ZNF493: variants seen among roughly 807,000 people sequenced by gnomAD.
ZNF493 encodes the protein zinc finger protein 493.
In ZNF493, 11 loss-of-function variants were observed where a neutral mutation model predicts 12.2. The observed-to-expected ratio is 0.90, with a 90% CI of 0.57 to 1.50. The LOEUF is 1.50. Ranked by LOEUF, ZNF493 falls within the 40% of genes most tolerant of loss-of-function variation. The pLI is 0.00. For missense variants in ZNF493, 950 were observed against 906.6 expected (o/e 1.05, Z -0.61); for synonymous variants, 286 against 302.6 (o/e 0.95, Z 0.57).
intron 3 of ZNF493, among the ~76,000 whole-genome samples, chr19:21,406,185 G>C (rs1568378136): frequency 6.6e-6 from 1 of 151,728 alleles, no homozygotes; most frequent in Non-Finnish European, 1.5e-5. Context: ...TGGTGCCACT[G>C]CACTCCAGCC....
At position 21,427,367 on chromosome 19, in the gene ZNF493, C is replaced by G. The variant is rs2030880043; in HGVS notation, c.*2383C>G. ...GGTTAGTTACATATGTATACATGTGCCATGCTGGTGCGCTGCACCCACTAA... is the reference window on the plus strand; with the variant it reads ...GGTTAGTTACATATGTATACATGTGGCATGCTGGTGCGCTGCACCCACTAA... On this transcript the variant is annotated 3_prime_UTR_variant, in exon 4 of 4. Transcript: ENST00000392288. 6.4e-6 allele frequency: 1 copy of G among 155,680 alleles called. No individual in the cohort carries two copies. Among genetic ancestry groups the G allele is most frequent in the Admixed American group, 6.6e-5 (1 of 15,266 alleles). 9.6% of individuals were successfully genotyped at this position (155,680 alleles called of 1,614,324 possible).
chr19:21,397,137 T>C lies in ZNF493; in HGVS notation c.-101T>C. The C allele has an allele frequency of 7.1e-7, 1 of 1,401,498 alleles. No homozygotes were observed. The highest frequency in any genetic ancestry group is 2.3e-5 in the East Asian group (1 of 43,850). The allele number at this position is 1,401,498 out of a possible 1,614,324, so 86.8% of individuals were successfully genotyped here. ...CTTCCGGGATGTGGCTGGGCCATTG[T>C]TTCTCTCTGCTGCCGGAGCTCCAGG... On this transcript the variant is annotated 5_prime_UTR_variant, in exon 1 of 4. Coordinates refer to ENST00000392288, the MANE Select transcript of ZNF493 (RefSeq NM_001076678.3).
intron 3 of ZNF493, chr19:21,414,372 C>T (rs2030418547): frequency 6.6e-6 from 1 of 152,158 alleles, no homozygotes; most frequent in African/African-American, 2.4e-5. Flanking sequence ...CCAGGTAATG[C>T]TGTATCTGCA....
intron 3 of ZNF493, among the ~76,000 whole-genome samples, chr19:21,420,348 T>G (rs888303164): frequency 6.6e-6 from 1 of 151,818 alleles, no homozygotes; most frequent in Admixed American, 6.6e-5. Context: ...TATATAGATG[T>G]ATTCTTTGTG....
At chr19:21,422,859 T>C in intron 3 of ZNF493, 54 bp from the exon 4 acceptor site, 1 of 1,423,184 alleles carries the variant, frequency 7.0e-7, no homozygotes, top group East Asian at 2.3e-5. Flanking sequence ...ATTTGTAATC[T>C]ATATTTATCT....
intron 2 of ZNF493, 67 bp from the exon 3 acceptor site, chr19:21,405,694 G>A: frequency 7.5e-7 from 1 of 1,341,970 alleles, no homozygotes; most frequent in East Asian, 2.4e-5. Flanking sequence ...TCTTTACTAA[G>A]CATGGTACTA....
chr19:21,406,547 A>G (rs1176685706), intron 3 of ZNF493, among the ~76,000 whole-genome samples: 2 of 152,198 alleles, frequency 1.3e-5, no homozygotes, highest in African/African-American at 4.8e-5. Context: ...CTGCATCTGC[A>G]TGATTTTGAG....
chr19:21,404,949 CAGAGTT>C (rs1436086120), intron 1 of ZNF493, among the ~76,000 whole-genome samples, 174 bp from the exon 2 acceptor site: 1 of 149,832 alleles, frequency 6.7e-6, no homozygotes, highest in Non-Finnish European at 1.5e-5. Context: ...TCTCTTCTCT[CAGAGTT>C]AGAGAATACA....
Position 21,425,739 on chromosome 19 carries a change from A to C in ZNF493, c.*755A>C. ...TTTTAACCAATTTTCAAACCTTACT[A>C]AACATAAGATAACTCATACTGGAGA... On this transcript the variant is annotated 3_prime_UTR_variant, in exon 4 of 4. Transcript: ENST00000392288. 1.6e-6 allele frequency: 1 copy of C among 632,696 alleles called. No homozygotes were observed. Among genetic ancestry groups the C allele is most frequent in the Non-Finnish European group, 2.9e-6 (1 of 347,450 alleles). The allele number at this position is 632,696 out of a possible 1,614,324, so 39.2% of individuals were successfully genotyped here.
At chr19:21,413,810 T>A (rs144374462) in intron 3 of ZNF493, 3,036 of 213,094 alleles carry the variant, frequency 0.014, 36 homozygotes, top group Middle Eastern at 0.05. Flanking sequence ...TTTCTGTACA[T>A]GCTGTTCAGC....
Position 21,424,609 on chromosome 19 carries a change from T to G in ZNF493, c.1950T>G (p.Ile650Met). 2 of 1,613,326 alleles carry G rather than the reference T, an allele frequency of 1.2e-6. No homozygotes were observed. Among genetic ancestry groups the G allele is most frequent in the Non-Finnish European group, 1.7e-6 (2 of 1,179,748 alleles). ...CACACCTCGCTGGGCACAAGCAAAT[T>G]CATAGTGTACAAAAACCCTACAAAT... ...RSSHLAGHKQIHSVQKPYKCE... is the reference protein window; with the variant it reads ...RSSHLAGHKQMHSVQKPYKCE... Residue 650 changes from isoleucine to methionine, a missense_variant, in exon 4 of 4, where the codon ATT becomes ATG. Coordinates refer to ENST00000392288, the MANE Select transcript of ZNF493 (RefSeq NM_001076678.3).
In ZNF493 at chr19:21,397,138, T is replaced by G. The variant is rs943693946; in HGVS notation, c.-100T>G. ...TTCCGGGATGTGGCTGGGCCATTGT[T>G]TCTCTCTGCTGCCGGAGCTCCAGGT... is the stretch of plus-strand genomic sequence containing the variant. On this transcript the variant is annotated 5_prime_UTR_variant, in exon 1 of 4. Transcript: ENST00000392288. 58 of 1,408,004 alleles carry G rather than the reference T, an allele frequency of 4.1e-5. 1 individual carries two copies. The highest frequency in any genetic ancestry group is 2.2e-4 in the South Asian group (19 of 86,366). The allele number at this position is 1,408,004 out of a possible 1,614,324, so 87.2% of individuals were successfully genotyped here. A position where few individuals can be genotyped will look rare whatever the true frequency, so the allele number is the denominator to read the frequency against.
Position 21,397,189 on chromosome 19 carries a change from AGCGTGTGTGGCTTCG to A in ZNF493, c.-48_-34del. Reference sequence around the variant, plus strand: ...CTACCCTTCACTGCTCTGTGTCCTCAGCGTGTGTGGCTTCGTGACCTGAAGATACTGGGAAATCCA... The same window carrying A: ...CTACCCTTCACTGCTCTGTGTCCTCATGACCTGAAGATACTGGGAAATCCA... On this transcript the variant is annotated 5_prime_UTR_variant, in exon 1 of 4. The change creates a new upstream start codon in the 5' untranslated region. Transcript: ENST00000392288. 6.2e-7 allele frequency: 1 copy of A among 1,611,926 alleles called. No individual in the cohort carries two copies.
At position 21,423,007 on chromosome 19, in the gene ZNF493, A is replaced by T; in HGVS notation, c.348A>T (p.Gly116=). The T allele has an allele frequency of 1.2e-6, 2 of 1,612,254 alleles. No homozygotes were observed. Among genetic ancestry groups the T allele is most frequent in the East Asian group, 2.2e-5 (1 of 44,798 alleles). ...KVILREYVKC[G]HKDLQLRKGC... ...TACTGAGAGAATATGTAAAATGTGG[A>T]CATAAGGATTTACAGTTAAGAAAAG... The change falls in exon 4 of 4, where the codon GGA becomes GGT. Residue 116 remains glycine, a synonymous_variant. Transcript: ENST00000392288.
rs755907355 is a variant in ZNF493 at position 21,405,835 on chromosome 19, A to AGTAC, written c.234_237dup (p.Val80TyrfsTer14). The stretch of plus-strand genomic sequence containing the variant: ...AGATCCCTGGAATATGAAGGGACAC[A>AGTAC]GTACGGTAGTCAAACCCCCAGGTAG... On this transcript the variant is annotated frameshift_variant, in exon 3 of 4. Coordinates refer to ENST00000392288, the MANE Select transcript of ZNF493 (RefSeq NM_001076678.3). LOFTEE classifies it low-confidence loss of function (END_TRUNC). 6 of 1,580,240 alleles carry AGTAC rather than the reference A, an allele frequency of 3.8e-6. No individual in the cohort carries two copies. In the African/African-American group the frequency reaches 8.2e-5, roughly 22 times the overall value.
At chr19:21,402,425 T>C (rs973673514) in intron 1 of ZNF493, among the ~76,000 whole-genome samples, 1 of 152,218 alleles carries the variant, frequency 6.6e-6, no homozygotes, top group Admixed American at 6.5e-5. Flanking sequence ...TATTCATGTT[T>C]CCTCAGTTTT....
Position 21,424,369 on chromosome 19 carries a change from C to T in ZNF493, c.1710C>T (p.His570=). The change falls in exon 4 of 4, where the codon CAC becomes CAT. Residue 570 remains histidine (H), a synonymous_variant. Transcript: ENST00000392288. ...CACATAAGAGAATTCATACTGGACA[C>T]AAACCCTACAAATGTAAAGAATGTG... ...LTTHKRIHTG[H]KPYKCKECGK... 3.1e-6 allele frequency: 5 copies of T among 1,607,914 alleles called. No individual in the cohort carries two copies. The highest frequency in any genetic ancestry group is 1.1e-5 in the South Asian group (1 of 90,760).
intron 3 of ZNF493, chr19:21,408,149 A>G: frequency 1.1e-6 from 1 of 930,632 alleles, no homozygotes; most frequent in South Asian, 5.1e-5. Context: ...TTTTTGAGAC[A>G]GGAGTCTCGC....
At chr19:21,415,900 C>T (rs1182151590) in intron 3 of ZNF493, among the ~76,000 whole-genome samples, 1 of 152,178 alleles carries the variant, frequency 6.6e-6, no homozygotes, top group Non-Finnish European at 1.5e-5. Context: ...GAAGGCAATC[C>T]TGGTTGTAAT....
Sources: gnomAD v4.1 joint callset for allele counts (sites outside exome capture counted in the v4.1 genomes callset) on GRCh38, gnomAD v4.1.1 for gene constraint, MANE v1.5 for transcripts, NCBI Gene and HGNC (gene_info 2026-07-23, HGNC 2026-07-21) for gene names.